SNX32: variants seen among roughly 807,000 people sequenced by gnomAD.
SNX32 encodes sorting nexin-32.
A neutral mutation model predicts 57.0 loss-of-function variants in SNX32; 58 were observed. The ratio of observed to expected loss-of-function variants is 1.02; its 90% confidence interval spans 0.82 to 1.27. The LOEUF is 1.27. Among genes scored for constraint, SNX32 ranks in the 50% most tolerant of loss-of-function variants. The pLI is 0.00. For synonymous variants in SNX32, 262 were observed against 220.4 expected (o/e 1.19, Z -1.67); for missense variants, 589 against 541.2 (o/e 1.09, Z -0.88).
intron 1 of SNX32, among the ~76,000 whole-genome samples, chr11:65,845,153 A>AG (rs1858955571): frequency 6.7e-6 from 1 of 150,322 alleles, no homozygotes; most frequent in Admixed American, 6.6e-5. Context: ...AAAAAAAAAA[A>AG]AAAAGGCTGG....
intron 12 of SNX32, 84 bp downstream of exon 12, chr11:65,853,042 CATGT>C (rs1859269377): frequency 6.2e-6 from 9 of 1,459,820 alleles, no homozygotes; most frequent in East Asian, 2.3e-5. Flanking sequence ...GGTGTGCGTG[CATGT>C]GAGGGTGTGC....
chr11:65,849,911 C>A lies in SNX32; in HGVS notation c.142-9C>A, dbSNP rs761402571. On this transcript the variant is annotated splice_polypyrimidine_tract_variant and intron_variant, in intron 2 of 12. Coordinates refer to ENST00000308342, the MANE Select transcript of SNX32 (RefSeq NM_152760.3). ...GAGAGAGGACCTCAGTTGGCCTTCC[C>A]GCTTCCAGAGCTGCCTCCCTCACTT... 6.4e-7 allele frequency: 1 copy of A among 1,552,618 alleles called. No individual in the cohort carries two copies. The highest frequency in any genetic ancestry group is 1.4e-5 in the African/African-American group (1 of 73,426).
In SNX32 at chr11:65,853,324, G is replaced by A; in HGVS notation, c.1201G>A (p.Gly401Arg). 1.2e-6 allele frequency: 2 copies of A among 1,614,040 alleles called. No individual in the cohort carries two copies. The highest frequency in any genetic ancestry group is 2.2e-5 in the East Asian group (1 of 44,884). ...CCGGAACACCCTTGTTGCCCTAAAGGGGGAGCCTTAGAGTAGCCAGAGCTC... is the reference window on the plus strand; with the variant it reads ...CCGGAACACCCTTGTTGCCCTAAAGAGGGAGCCTTAGAGTAGCCAGAGCTC... ...ILRNTLVALK[G>R]EP The change falls in exon 13 of 13, where the codon GGG (glycine) becomes AGG (arginine). Residue 401 changes from glycine (G) to arginine (R), a missense_variant. Coordinates refer to ENST00000308342, the MANE Select transcript of SNX32 (RefSeq NM_152760.3).
At chr11:65,838,489 T>C (rs1858733725) in intron 1 of SNX32, among the ~76,000 whole-genome samples, 1 of 152,146 alleles carries the variant, frequency 6.6e-6, no homozygotes, top group Middle Eastern at 3.2e-3. Flanking sequence ...CCTTCCAAAG[T>C]GCTGGAATTA....
chr11:65,842,884 A>T (rs1216140754), intron 1 of SNX32, among the ~76,000 whole-genome samples: 1 of 133,272 alleles, frequency 7.5e-6, no homozygotes, highest in Non-Finnish European at 1.6e-5. Context: ...TGGGAGGCGG[A>T]GGTTGCAATG....
chr11:65,846,874 C>A (rs1859012554), intron 1 of SNX32, among the ~76,000 whole-genome samples: 1 of 151,086 alleles, frequency 6.6e-6, no homozygotes, highest in Admixed American at 6.6e-5. Context: ...TCCCAGCTAC[C>A]TGGGAGGATG....
chr11:65,834,993 CTG>C lies in SNX32; in HGVS notation c.36+902_36+903del, dbSNP rs377528018. On this transcript the variant is annotated intron_variant, in intron 1 of 12. Coordinates refer to ENST00000308342, the MANE Select transcript of SNX32 (RefSeq NM_152760.3). The stretch of plus-strand genomic sequence containing the variant: ...GATCTGTGTATGTCGTTGTGTGTGT[CTG>C]TGTGTGTGTTTCTCTGTGCCTGTGT... 1.3e-3 allele frequency among the ~76,000 whole-genome samples: 200 copies of C among 148,192 alleles called. 1 individual carries two copies. Among genetic ancestry groups the C allele is most frequent in the African/African-American group, 4.0e-3 (159 of 40,032 alleles).
At position 65,850,084 on chromosome 11, in the gene SNX32, G is replaced by A; in HGVS notation, c.252+54G>A. ...GGGACAGGCAGAGCACTTGGGTGAG[G>A]ACCAAAGGCTGTGATGGCCGTCTCG... On this transcript the variant is annotated intron_variant, in intron 3 of 12. Coordinates refer to ENST00000308342, the MANE Select transcript of SNX32 (RefSeq NM_152760.3). 5 of 1,614,196 alleles carry A rather than the reference G, an allele frequency of 3.1e-6. No homozygotes were observed. The South Asian group carries it at 4.4e-5, about 14-fold the overall frequency.
chr11:65,834,680 G>A (rs1213804515), intron 1 of SNX32, among the ~76,000 whole-genome samples: 2 of 151,068 alleles, frequency 1.3e-5, no homozygotes, highest in South Asian at 2.1e-4. Flanking sequence ...GTGTGTGCAC[G>A]CATGTGCCTG....
chr11:65,837,828 A>AAC (rs1565245115), intron 1 of SNX32, among the ~76,000 whole-genome samples: 1 of 151,158 alleles, frequency 6.6e-6, no homozygotes, highest in East Asian at 1.9e-4. Flanking sequence ...AAAAAAAAAA[A>AAC]AAAAAAAAAC....
chr11:65,852,804 C>A lies in SNX32; in HGVS notation c.1072+15C>A. The stretch of plus-strand genomic sequence containing the variant: ...CGCCAAGCAAGGTGAGCCCGCAGCC[C>A]CCAGCCCCAGCCTGGGGCCACATGC... On this transcript the variant is annotated intron_variant, in intron 11 of 12. Transcript: ENST00000308342. The A allele has an allele frequency of 6.2e-7, 1 of 1,610,908 alleles. No individual in the cohort carries two copies. Among genetic ancestry groups the A allele is most frequent in the Non-Finnish European group, 8.5e-7 (1 of 1,177,712 alleles).
At chr11:65,842,257 C>T (rs150138685) in intron 1 of SNX32, among the ~76,000 whole-genome samples, 14 of 152,268 alleles carry the variant, frequency 9.2e-5, no homozygotes, top group African/African-American at 2.9e-4. Flanking sequence ...CAAAGCAATT[C>T]AATAGCAAAA....
intron 8 of SNX32, 107 bp downstream of exon 8, chr11:65,851,510 A>G (rs1859195646): frequency 6.6e-7 from 1 of 1,509,890 alleles, no homozygotes; most frequent in African/African-American, 1.4e-5. Flanking sequence ...TGGGAGGTGT[A>G]GGCTCTCCTG....
intron 9 of SNX32, among the ~76,000 whole-genome samples, chr11:65,852,146 T>G (rs1291877591): frequency 6.6e-6 from 1 of 152,128 alleles, no homozygotes; most frequent in Non-Finnish European, 1.5e-5. Flanking sequence ...TTCAGCCTCT[T>G]GTGCTCCAGC....
intron 1 of SNX32, among the ~76,000 whole-genome samples, chr11:65,840,858 T>C (rs1858820625): frequency 1.3e-5 from 2 of 151,984 alleles, no homozygotes; most frequent in South Asian, 2.1e-4. Context: ...TTCAGCAAGA[T>C]ATTTTAAAAA....
In SNX32 at chr11:65,852,886, C is replaced by T. The variant is rs1050664488; in HGVS notation, c.1086C>T (p.Phe362=). 3 of 1,614,190 alleles carry T rather than the reference C, an allele frequency of 1.9e-6. No individual in the cohort carries two copies. Among genetic ancestry groups the T allele is most frequent in the East Asian group, 2.2e-5 (1 of 44,866 alleles). Residue 362 remains phenylalanine, a synonymous_variant, in exon 12 of 13, where the codon TTC becomes TTT. Coordinates refer to ENST00000308342, the MANE Select transcript of SNX32 (RefSeq NM_152760.3). The part of the protein sequence containing the change: ...SDSAKQELMD[F]KSRRVSSFRK... Reference sequence around the variant, plus strand: ...CCTCCTCTCCAGAGCTCATGGACTTCAAGTCCCGCCGGGTCTCCTCTTTTC... The same window carrying T: ...CCTCCTCTCCAGAGCTCATGGACTTTAAGTCCCGCCGGGTCTCCTCTTTTC...
chr11:65,844,834 C>T (rs566855542), intron 1 of SNX32, among the ~76,000 whole-genome samples: 41 of 151,838 alleles, frequency 2.7e-4, no homozygotes, highest in Non-Finnish European at 5.3e-4. Context: ...GGCGTGGTGG[C>T]GGGCACCTGT....
rs1401615094 is a variant in SNX32, at chr11:65,851,030, A to G, written c.604-25A>G. 1.9e-6 allele frequency: 3 copies of G among 1,600,686 alleles called. No homozygotes were observed. In the Admixed American group the frequency reaches 5.0e-5, roughly 27 times the overall value. Reference sequence around the variant, plus strand: ...CAAGCCCCGTGGTGACCCAGTGTAAATGGGGTCCTGCCTGGCTCCCTTAGG... The same window carrying G: ...CAAGCCCCGTGGTGACCCAGTGTAAGTGGGGTCCTGCCTGGCTCCCTTAGG... On this transcript the variant is annotated intron_variant, in intron 6 of 12. Transcript: ENST00000308342.
At chr11:65,851,558 A>AT in intron 8 of SNX32, 82 bp from the exon 9 acceptor site, 1 of 1,567,634 alleles carries the variant, frequency 6.4e-7, no homozygotes, top group East Asian at 2.2e-5. Flanking sequence ...GGAGAGGGAG[A>AT]TTCCCAAGGA....
Sources: gnomAD v4.1 joint callset for allele counts (sites outside exome capture counted in the v4.1 genomes callset) on GRCh38, gnomAD v4.1.1 for gene constraint, MANE v1.5 for transcripts, NCBI Gene and HGNC (gene_info 2026-07-23, HGNC 2026-07-21) for gene names.